PIGU: variants seen among roughly 807,000 people sequenced by gnomAD.
PIGU encodes the protein phosphatidylinositol glycan anchor biosynthesis class U.
PIGU carries 24 observed loss-of-function variants against 49.9 expected under a neutral mutation model. The ratio of observed to expected loss-of-function variants is 0.48; its 90% CI spans 0.35 to 0.68. The LOEUF (loss-of-function observed/expected upper bound fraction) is 0.68, where lower values mean the gene tolerates loss of function less well. PIGU is among the 30% of genes least tolerant of loss of function. PIGU has a pLI of 0.01. For synonymous variants in PIGU, 220 were observed against 205.7 expected (o/e 1.07, Z -0.59); for missense variants, 490 against 532.6 (o/e 0.92, Z 0.79).
chr20:34,566,778 AC>A, intron 11 of PIGU, among the ~76,000 whole-genome samples: 1 of 151,954 alleles, frequency 6.6e-6, no homozygotes, highest in African/African-American at 2.4e-5. Context: ...TTCTTCCACA[AC>A]CCCCTAGGGT....
chr20:34,664,906 A>G (rs1987037975), intron 1 of PIGU, among the ~76,000 whole-genome samples: 1 of 151,678 alleles, frequency 6.6e-6, no homozygotes, highest in South Asian at 2.1e-4. Flanking sequence ...CCTGAGCCCA[A>G]GAGTTCAAGG....
Position 34,560,760 on chromosome 20 carries a change from C to T in PIGU, c.*106G>A, listed in dbSNP as rs1333164556. 2.5e-6 allele frequency: 2 copies of T among 789,130 alleles called. No homozygotes were observed. Among genetic ancestry groups the T allele is most frequent in the East Asian group, 3.1e-5 (1 of 31,962 alleles). The allele number at this position is 789,130 out of a possible 1,614,324, so 48.9% of individuals were successfully genotyped here. ...GAGACTTGTGACCCTGGACTCGAAC[C>T]TCTTCTGCCCAAGCACTCGCCTGCT... On this transcript the variant is annotated 3_prime_UTR_variant, in exon 12 of 12. Coordinates refer to ENST00000217446, the MANE Select transcript of PIGU (RefSeq NM_080476.5).
rs1414293295 is a variant in PIGU at position 34,655,312 on chromosome 20, A to C, written c.195+1868T>G. 1.7e-5 allele frequency among the ~76,000 whole-genome samples: 2 copies of C among 116,380 alleles called. 1 individual carries two copies. Among genetic ancestry groups the C allele is most frequent in the African/African-American group, 6.3e-5 (2 of 31,752 alleles). 76.3% of individuals were successfully genotyped at this position (116,380 alleles called of 152,430 possible). A position where few individuals can be genotyped will look rare whatever the true frequency, so the allele number is the denominator to read the frequency against. Reference sequence around the variant, plus strand: ...GTGACAGAGCAAGACCCTGTCTTTAAAAAAAAAAAATTAGAAGGTACATTG... The same window carrying C: ...GTGACAGAGCAAGACCCTGTCTTTACAAAAAAAAAATTAGAAGGTACATTG... On this transcript the variant is annotated intron_variant, in intron 2 of 11. Coordinates refer to ENST00000217446, the MANE Select transcript of PIGU (RefSeq NM_080476.5).
At chr20:34,602,961 T>G (rs1779463679) in intron 7 of PIGU, among the ~76,000 whole-genome samples, 1 of 152,182 alleles carries the variant, frequency 6.6e-6, no homozygotes, top group African/African-American at 2.4e-5. Flanking sequence ...GTCTTGCCTA[T>G]TTTTAAAATT....
intron 1 of PIGU, among the ~76,000 whole-genome samples, chr20:34,665,221 T>TTTTTG: frequency 7.3e-6 from 1 of 136,696 alleles, no homozygotes; most frequent in Non-Finnish European, 1.6e-5. Context: ...TTTTTTTTTT[T>TTTTTG]GAGACTGAGT....
At chr20:34,659,940 G>A (rs1428333149) in intron 1 of PIGU, among the ~76,000 whole-genome samples, 1 of 150,954 alleles carries the variant, frequency 6.6e-6, no homozygotes, top group African/African-American at 2.4e-5. Context: ...CCTCTGCCTA[G>A]GAAAACCAGA....
intron 1 of PIGU, among the ~76,000 whole-genome samples, chr20:34,672,900 A>G (rs1368291124): frequency 6.7e-6 from 1 of 150,042 alleles, no homozygotes; most frequent in East Asian, 2.0e-4. Context: ...ACTATAGCCA[A>G]TCAAAATCTA....
intron 6 of PIGU, among the ~76,000 whole-genome samples, chr20:34,616,745 T>C (rs1985024523): frequency 6.6e-6 from 1 of 152,154 alleles, no homozygotes; most frequent in African/African-American, 2.4e-5. Flanking sequence ...TATAATATCC[T>C]ATTAAATGAA....
chr20:34,674,398 GAGAA>G lies in PIGU; in HGVS notation c.130+2554_130+2557del, dbSNP rs1987424360. 2.0e-5 allele frequency among the ~76,000 whole-genome samples: 3 copies of G among 152,012 alleles called. No homozygotes were observed. In the South Asian group the frequency reaches 6.2e-4, roughly 32 times the overall value. On this transcript the variant is annotated intron_variant, in intron 1 of 11. Coordinates refer to ENST00000217446, the MANE Select transcript of PIGU (RefSeq NM_080476.5). ...ATACAGCTTATAAGTTGCAGAACTAGAGAAAGAGTCAAACCTTTTCTGAGATTCC... is the reference window on the plus strand; with the variant it reads ...ATACAGCTTATAAGTTGCAGAACTAGAGAGTCAAACCTTTTCTGAGATTCC...
At chr20:34,620,540 G>A (rs551719413) in intron 6 of PIGU, among the ~76,000 whole-genome samples, 2 of 152,204 alleles carry the variant, frequency 1.3e-5, no homozygotes, top group Admixed American at 6.5e-5. Context: ...GGACAGGCGC[G>A]GTGGCTCATG....
At chr20:34,569,128 TAA>T (rs1369598078) in intron 11 of PIGU, among the ~76,000 whole-genome samples, 1 of 151,724 alleles carries the variant, frequency 6.6e-6, no homozygotes, top group Non-Finnish European at 1.5e-5. Flanking sequence ...CTCTTGAGCC[TAA>T]GAGGTTGAGG....
chr20:34,615,845 G>C (rs2146741027), intron 7 of PIGU, among the ~76,000 whole-genome samples, 197 bp downstream of exon 7: 1 of 152,296 alleles, frequency 6.6e-6, no homozygotes, highest in East Asian at 1.9e-4. Flanking sequence ...ACATGGGGAG[G>C]TCTACTGTAG....
intron 4 of PIGU, among the ~76,000 whole-genome samples, chr20:34,640,957 G>C (rs750252150): frequency 6.6e-6 from 1 of 152,198 alleles, no homozygotes; most frequent in African/African-American, 2.4e-5. Context: ...GCAGTGTTGC[G>C]ATCTCAGCTC....
intron 11 of PIGU, among the ~76,000 whole-genome samples, chr20:34,574,423 C>T (rs987121586): frequency 3.9e-5 from 6 of 152,274 alleles, no homozygotes; most frequent in African/African-American, 1.4e-4. Flanking sequence ...GCATTTTTAA[C>T]AAGCTCCCTC....
intron 2 of PIGU, among the ~76,000 whole-genome samples, chr20:34,650,698 C>CCCCTTTTT (rs1986507102): frequency 1.1e-4 from 5 of 43,950 alleles, no homozygotes; most frequent in Admixed American, 7.3e-4. Context: ...TTCTTTTTTT[C>CCCCTTTTT]TCTTTTTTTT....
At chr20:34,606,199 G>T (rs970998272) in intron 7 of PIGU, among the ~76,000 whole-genome samples, 1 of 147,784 alleles carries the variant, frequency 6.8e-6, no homozygotes, top group Non-Finnish European at 1.5e-5. Flanking sequence ...AGGTTGCAGT[G>T]AGCCGAGATT....
intron 6 of PIGU, among the ~76,000 whole-genome samples, chr20:34,629,913 A>C (rs1985638414): frequency 6.6e-6 from 1 of 152,200 alleles, no homozygotes; most frequent in Admixed American, 6.6e-5. Context: ...CAACTTTAAC[A>C]CAATAGTGAA....
chr20:34,638,482 G>A (rs1986040049), intron 4 of PIGU, among the ~76,000 whole-genome samples: 1 of 152,182 alleles, frequency 6.6e-6, no homozygotes, highest in African/African-American at 2.4e-5. Flanking sequence ...CTAACACCTG[G>A]CACAGTGGAC....
chr20:34,670,036 G>A (rs1987256701), intron 1 of PIGU, among the ~76,000 whole-genome samples: 1 of 152,188 alleles, frequency 6.6e-6, no homozygotes, highest in African/African-American at 2.4e-5. Flanking sequence ...TGAAAAGAGT[G>A]AGGGGATTGT....
Sources: allele counts gnomAD v4.1 joint callset (sites outside exome capture counted in the v4.1 genomes callset), GRCh38; gene constraint gnomAD v4.1.1; transcripts MANE v1.5; gene names NCBI Gene and HGNC (gene_info 2026-07-23, HGNC 2026-07-21).